The following FARS2 variants were observed in gnomAD, a reference collection of about 807,000 sequenced individuals.
FARS2 encodes phenylalanyl-tRNA synthetase 2, mitochondrial.
In FARS2, 40 loss-of-function variants were observed where a neutral mutation model predicts 46.4. The ratio of observed to expected loss-of-function variants is 0.86; its 90% CI spans 0.67 to 1.12. The LOEUF is 1.12. Ranked by LOEUF, FARS2 falls within the 50% of genes most tolerant of loss-of-function variation. The pLI, the probability that FARS2 is intolerant of heterozygous loss-of-function variation, is 0.00. For missense variants in FARS2, 513 were observed against 567.9 expected (o/e 0.90, Z 0.98); for synonymous variants, 234 against 214.9 (o/e 1.09, Z -0.78).
intron 1 of FARS2, among the ~76,000 whole-genome samples, chr6:5,345,796 C>T (rs998725969): frequency 6.6e-6 from 1 of 152,190 alleles, no homozygotes; most frequent in African/African-American, 2.4e-5. Flanking sequence ...TTGGGTTATA[C>T]AGTAGAATTT....
At chr6:5,434,602 G>C (rs1034107674) in intron 4 of FARS2, among the ~76,000 whole-genome samples, 6 of 152,198 alleles carry the variant, frequency 3.9e-5, no homozygotes, top group African/African-American at 1.4e-4. Context: ...CTGCCTGGCA[G>C]TCACTAACCA....
At chr6:5,451,198 A>G (rs937960310) in intron 4 of FARS2, among the ~76,000 whole-genome samples, 6 of 152,032 alleles carry the variant, frequency 3.9e-5, no homozygotes, top group African/African-American at 1.4e-4. Flanking sequence ...CTGCCACTTC[A>G]GGTATAGGGA....
intron 4 of FARS2, among the ~76,000 whole-genome samples, chr6:5,513,754 A>C (rs1768599734): frequency 1.3e-5 from 2 of 152,198 alleles, no homozygotes; most frequent in Admixed American, 6.5e-5. Flanking sequence ...AGCAGCCCTC[A>C]GTCACAGAAA....
At chr6:5,306,597 A>G (rs1768718755) in intron 1 of FARS2, among the ~76,000 whole-genome samples, 1 of 152,210 alleles carries the variant, frequency 6.6e-6, no homozygotes, top group South Asian at 2.1e-4. Context: ...TTGATATAAC[A>G]GTATTTTATG....
chr6:5,736,176 A>G (rs915830043), intron 6 of FARS2, among the ~76,000 whole-genome samples: 1 of 152,220 alleles, frequency 6.6e-6, no homozygotes, highest in African/African-American at 2.4e-5. Flanking sequence ...GCTGTAGGTC[A>G]GAGACCTCAG....
intron 6 of FARS2, among the ~76,000 whole-genome samples, chr6:5,671,292 A>T (rs1056483624): frequency 6.6e-6 from 1 of 152,202 alleles, no homozygotes; most frequent in Non-Finnish European, 1.5e-5. Context: ...AGCATGACGT[A>T]AGAGTTACTC....
intron 4 of FARS2, among the ~76,000 whole-genome samples, chr6:5,530,763 A>C (rs997601423): frequency 2.0e-5 from 3 of 147,076 alleles, no homozygotes; most frequent in African/African-American, 7.4e-5. Context: ...ATTTATATAT[A>C]AATATTTCAT....
intron 6 of FARS2, among the ~76,000 whole-genome samples, chr6:5,631,608 C>T (rs1368170405): frequency 1.3e-5 from 2 of 152,206 alleles, no homozygotes; most frequent in Non-Finnish European, 2.9e-5. Flanking sequence ...TCTTCCATGA[C>T]TGGAATTGTC....
intron 1 of FARS2, among the ~76,000 whole-genome samples, chr6:5,327,916 T>C (rs1390314400): frequency 6.6e-6 from 1 of 152,198 alleles, no homozygotes; most frequent in Non-Finnish European, 1.5e-5. Flanking sequence ...CCACTGGACG[T>C]TGATATTGTC....
intron 4 of FARS2, among the ~76,000 whole-genome samples, chr6:5,482,274 T>A (rs1766512153): frequency 6.6e-6 from 1 of 152,184 alleles, no homozygotes; most frequent in Non-Finnish European, 1.5e-5. Flanking sequence ...TTCAATTATT[T>A]TGGCAGAATT....
upstream of FARS2, chr6:5,260,860 G>A: frequency 1.3e-6 from 2 of 1,486,262 alleles, no homozygotes; most frequent in Non-Finnish European, 1.8e-6. Flanking sequence ...TTTGCCAGCG[G>A]GCCGGGCCTA....
intron 1 of FARS2, among the ~76,000 whole-genome samples, chr6:5,331,060 G>T (rs1770764225): frequency 6.7e-6 from 1 of 148,586 alleles, no homozygotes; most frequent in Non-Finnish European, 1.5e-5. Context: ...AGCTGAGATT[G>T]CACCTCTGCA....
chr6:5,506,145 T>C (rs1768084609), intron 4 of FARS2, among the ~76,000 whole-genome samples: 1 of 152,156 alleles, frequency 6.6e-6, no homozygotes, highest in Admixed American at 6.5e-5. Context: ...CTCTCAGCTG[T>C]CCCAGTGGAG....
intron 6 of FARS2, among the ~76,000 whole-genome samples, chr6:5,650,156 A>G (rs538935197): frequency 7.2e-5 from 11 of 152,042 alleles, no homozygotes; most frequent in African/African-American, 1.2e-4. Flanking sequence ...GGAGGGGGAC[A>G]TGGAATGTGG....
intron 1 of FARS2, among the ~76,000 whole-genome samples, chr6:5,328,418 C>CT (rs1225127538): frequency 3.9e-5 from 6 of 152,106 alleles, no homozygotes; most frequent in Non-Finnish European, 8.8e-5. Context: ...GTTTTTAACA[C>CT]TAAGACCTTG....
chr6:5,296,410 G>A lies in FARS2; in HGVS notation c.-22+34750G>A, dbSNP rs540533215. ...CCCGCCTTGGCCTCCCAAAGTGCTG[G>A]GATTACAGGCGTGCGCCACTGTGCC... On this transcript the variant is annotated intron_variant, in intron 1 of 6. Transcript: ENST00000274680. Among the ~76,000 whole-genome samples, 5 of 152,174 alleles carry A rather than the reference G, an allele frequency of 3.3e-5. No homozygotes were observed. The South Asian group carries it at 1.0e-3, about 32-fold the overall frequency.
intron 5 of FARS2, among the ~76,000 whole-genome samples, chr6:5,611,140 T>C (rs910585958): frequency 6.6e-6 from 1 of 152,064 alleles, no homozygotes; most frequent in African/African-American, 2.4e-5. Context: ...AGTAAGTAAG[T>C]ACACAAACAG....
intron 4 of FARS2, among the ~76,000 whole-genome samples, chr6:5,532,764 GTAATAATAA>G (rs113215364): frequency 2.7e-5 from 4 of 148,808 alleles, no homozygotes; most frequent in African/African-American, 1.0e-4. Context: ...AGTAGTAGTA[GTAATAATAA>G]TAATAATAAT....
intron 4 of FARS2, among the ~76,000 whole-genome samples, chr6:5,432,364 AT>A: frequency 8.7e-6 from 1 of 115,062 alleles, no homozygotes; most frequent in East Asian, 2.2e-4. Flanking sequence ...TATATATATA[AT>A]ATATTATATA....
Sources: allele counts gnomAD v4.1 joint callset (sites outside exome capture counted in the v4.1 genomes callset), GRCh38; gene constraint gnomAD v4.1.1; transcripts MANE v1.5; gene names NCBI Gene and HGNC (gene_info 2026-07-23, HGNC 2026-07-21).